The following METTL24 variants were observed in gnomAD, a reference collection of about 807,000 sequenced individuals.
METTL24 encodes probable methyltransferase-like protein 24.
In METTL24, 29 loss-of-function variants were observed where a neutral mutation model predicts 32.7. That is an observed-to-expected ratio of 0.89 (90% CI 0.66 to 1.21). The LOEUF (loss-of-function observed/expected upper bound fraction) is 1.21, where lower values mean the gene tolerates loss of function less well. METTL24 is among the 50% of genes most tolerant of loss of function. The pLI is 0.00. For missense variants in METTL24, 439 were observed against 468.1 expected, an observed-to-expected ratio of 0.94 and a Z score of 0.57; for synonymous variants, 163 against 179.5, an observed-to-expected ratio of 0.91 and a Z score of 0.73.
chr6:110,341,475 CAA>C (rs1772355190), intron 1 of METTL24, among the ~76,000 whole-genome samples: 1 of 152,172 alleles, frequency 6.6e-6, no homozygotes, highest in Non-Finnish European at 1.5e-5. Flanking sequence ...ATTCACTATT[CAA>C]AAGGACATGC....
chr6:110,308,586 T>C (rs959704499), intron 3 of METTL24, among the ~76,000 whole-genome samples: 6 of 152,084 alleles, frequency 3.9e-5, no homozygotes, highest in Admixed American at 6.6e-5. Context: ...TGCAAAATGG[T>C]ATATAGCTAA....
intron 1 of METTL24, among the ~76,000 whole-genome samples, chr6:110,350,649 G>A (rs1028397256): frequency 4.0e-5 from 6 of 151,896 alleles, no homozygotes; most frequent in African/African-American, 1.2e-4. Context: ...ATGGGGGACG[G>A]GTGCGGTGAC....
At chr6:110,261,667 T>C (rs1189228365) in intron 4 of METTL24, among the ~76,000 whole-genome samples, 1 of 152,176 alleles carries the variant, frequency 6.6e-6, no homozygotes, top group East Asian at 1.9e-4. Context: ...ATATACATTC[T>C]TCTCAGCACC....
intron 2 of METTL24, among the ~76,000 whole-genome samples, chr6:110,318,373 C>T (rs751296302): frequency 6.6e-6 from 1 of 152,200 alleles, no homozygotes. Flanking sequence ...AAGGGCCGGG[C>T]GTGGTGGCTC....
intron 1 of METTL24, among the ~76,000 whole-genome samples, chr6:110,323,315 C>T (rs922766343): frequency 1.3e-5 from 2 of 152,200 alleles, no homozygotes; most frequent in Non-Finnish European, 2.9e-5. Context: ...ATGCTGGGGG[C>T]TTGTCTTTGT....
chr6:110,348,440 C>CATAAGAGAGG (rs1333450732), intron 1 of METTL24, among the ~76,000 whole-genome samples: 4 of 152,208 alleles, frequency 2.6e-5, no homozygotes, highest in Non-Finnish European at 5.9e-5. Context: ...TGACTTCTCC[C>CATAAGAGAGG]ATACGCTACT....
intron 1 of METTL24, among the ~76,000 whole-genome samples, chr6:110,335,980 T>C (rs900089562): frequency 6.6e-6 from 1 of 152,182 alleles, no homozygotes; most frequent in Non-Finnish European, 1.5e-5. Context: ...GCATGCCCAG[T>C]AGTACTTCAG....
intron 2 of METTL24, among the ~76,000 whole-genome samples, chr6:110,322,355 C>T (rs1298264652): frequency 6.6e-6 from 1 of 152,200 alleles, no homozygotes; most frequent in African/African-American, 2.4e-5. Flanking sequence ...GGCTGCCAAG[C>T]ATCTGTGACA....
Position 110,298,929 on chromosome 6 carries a change from T to G in METTL24, c.779A>C (p.His260Pro). ...KLGSILNEFG[H>P]HKIDVLKADL... ...TCAAATGAAAAACCTCACCTTGTGA[T>G]GTCCAAATTCATTCAAAATGCTTCC... Residue 260 changes from histidine to proline, a missense_variant, in exon 4 of 5, where the codon CAT (histidine) becomes CCT (proline). Coordinates refer to ENST00000338882, the MANE Select transcript of METTL24 (RefSeq NM_001123364.3). 6.2e-7 allele frequency: 1 copy of G among 1,614,000 alleles called. No individual in the cohort carries two copies. Among genetic ancestry groups the G allele is most frequent in the Non-Finnish European group, 8.5e-7 (1 of 1,179,878 alleles).
At chr6:110,270,805 A>G (rs1770943683) in intron 4 of METTL24, among the ~76,000 whole-genome samples, 1 of 150,992 alleles carries the variant, frequency 6.6e-6, no homozygotes, top group African/African-American at 2.4e-5. Context: ...CTTACATTAC[A>G]TGAGGAGAGG....
intron 1 of METTL24, among the ~76,000 whole-genome samples, chr6:110,333,716 ACAGGCGTAAG>A (rs2114763992): frequency 6.6e-6 from 1 of 152,362 alleles, no homozygotes; most frequent in African/African-American, 2.4e-5. Context: ...TTCTGGGATT[ACAGGCGTAAG>A]CCACCACGCC....
chr6:110,258,305 A>G (rs979928308), intron 4 of METTL24, among the ~76,000 whole-genome samples: 1 of 152,258 alleles, frequency 6.6e-6, no homozygotes, highest in Non-Finnish European at 1.5e-5. Flanking sequence ...TATCTCAAAC[A>G]TGATAGCCAA....
chr6:110,270,637 A>C (rs1770939727), intron 4 of METTL24, among the ~76,000 whole-genome samples: 1 of 152,160 alleles, frequency 6.6e-6, no homozygotes, highest in South Asian at 2.1e-4. Flanking sequence ...TCCTTCAGGC[A>C]TATAATAATA....
At chr6:110,286,027 T>C (rs1226113144) in intron 4 of METTL24, among the ~76,000 whole-genome samples, 1 of 152,206 alleles carries the variant, frequency 6.6e-6, no homozygotes, top group African/African-American at 2.4e-5. Context: ...TCTGGTCTCA[T>C]GAAAATTCCT....
In METTL24 at chr6:110,325,051, T is replaced by C. The variant is rs572702899; in HGVS notation, c.319-2179A>G. ...ATTTAAACACAAATGCCTCCAGTCC[T>C]GCTTGGTCACATTGACAGAGTGAGT... is the stretch of plus-strand genomic sequence containing the variant. On this transcript the variant is annotated intron_variant, in intron 1 of 4. Coordinates refer to ENST00000338882, the MANE Select transcript of METTL24 (RefSeq NM_001123364.3). Among the ~76,000 whole-genome samples, 4 of 152,340 alleles carry C rather than the reference T, an allele frequency of 2.6e-5. No individual in the cohort carries two copies. In the South Asian group the frequency reaches 8.3e-4, roughly 32 times the overall value.
rs190027002 is a variant in METTL24 at position 110,332,709 on chromosome 6, A to G, written c.319-9837T>C. Among the ~76,000 whole-genome samples, 282 of 152,050 alleles carry G rather than the reference A, an allele frequency of 1.9e-3. 1 individual carries two copies. The highest frequency in any genetic ancestry group is 3.5e-3 in the Non-Finnish European group (241 of 67,948). ...GATCACCTAAGGCTAGGAGTTCAAG[A>G]CCAGCCTGGGCAACAAAGCAAGACC... On this transcript the variant is annotated intron_variant, in intron 1 of 4. Transcript: ENST00000338882.
chr6:110,327,548 T>A (rs1318749320), intron 1 of METTL24, among the ~76,000 whole-genome samples: 1 of 152,270 alleles, frequency 6.6e-6, no homozygotes, highest in East Asian at 1.9e-4. Flanking sequence ...TCTGGCTTAA[T>A]GCTTTGGTTG....
chr6:110,332,642 T>G, intron 1 of METTL24: 6 of 209,238 alleles, frequency 2.9e-5, no homozygotes, highest in Non-Finnish European at 5.0e-5. Context: ...GCACGGTGGT[T>G]CAGGCCTGTA....
intron 1 of METTL24, among the ~76,000 whole-genome samples, chr6:110,342,099 C>T (rs950791243): frequency 6.6e-6 from 1 of 152,220 alleles, no homozygotes; most frequent in Non-Finnish European, 1.5e-5. Context: ...AGCTTCCTGG[C>T]CACATCTTTT....
Sources: allele counts gnomAD v4.1 joint callset (sites outside exome capture counted in the v4.1 genomes callset), GRCh38; gene constraint gnomAD v4.1.1; transcripts MANE v1.5; gene names NCBI Gene and HGNC (gene_info 2026-07-23, HGNC 2026-07-21).